PHRF1: variants seen among roughly 807,000 people sequenced by gnomAD.
PHRF1 encodes the protein PHD and ring finger domains 1, also known as PHD and RING finger domain-containing protein 1.
A neutral mutation model predicts 128.9 loss-of-function variants in PHRF1; 53 were observed. The ratio of observed to expected loss-of-function variants is 0.41; its 90% confidence interval spans 0.33 to 0.52. The LOEUF (loss-of-function observed/expected upper bound fraction) is 0.52, where lower values mean the gene tolerates loss of function less well. Ranked by LOEUF, PHRF1 falls within the 20% of genes least tolerant of loss-of-function variation. PHRF1 has a pLI of 0.21. For missense variants in PHRF1, 2,503 were observed against 2,284.5 expected, an observed-to-expected ratio of 1.10 and a Z score of -1.95; for synonymous variants, 1,178 against 980.6, an observed-to-expected ratio of 1.20 and a Z score of -3.76.
chr11:597,329 G>C lies in PHRF1; in HGVS notation c.719-66G>C. On this transcript the variant is annotated intron_variant, in intron 7 of 17. Transcript: ENST00000264555. The surrounding 1 kb of genome is among the most constrained non-coding windows in gnomAD (Gnocchi z 6.5). Reference sequence around the variant, plus strand: ...GCTGCTACTTGGCCGGCAGCCACAGGGGGAGCCGTTGGGGGAGGCGTGTGG... The same window carrying C: ...GCTGCTACTTGGCCGGCAGCCACAGCGGGAGCCGTTGGGGGAGGCGTGTGG... 6.5e-7 allele frequency: 1 copy of C among 1,548,904 alleles called. No homozygotes were observed. Among genetic ancestry groups the C allele is most frequent in the South Asian group, 1.2e-5 (1 of 80,350 alleles).
At chr11:602,500 G>A (rs1855684395) in intron 10 of PHRF1, among the ~76,000 whole-genome samples, 1 of 152,058 alleles carries the variant, frequency 6.6e-6, no homozygotes, top group Non-Finnish European at 1.5e-5. Context: ...GGCCAACATG[G>A]TGAAACCCCA....
intron 6 of PHRF1, among the ~76,000 whole-genome samples, chr11:594,815 A>G (rs1179010251): frequency 6.6e-6 from 1 of 152,168 alleles, no homozygotes; most frequent in East Asian, 1.9e-4. Flanking sequence ...CTTAATTAAA[A>G]TTTTTTATTA....
chr11:608,094 ACCT>A lies in PHRF1; in HGVS notation c.2642_2644del (p.Ser881del), dbSNP rs756416158. On this transcript the variant is annotated inframe_deletion, in exon 14 of 18. Transcript: ENST00000264555. ...GACGGTGCAGGCTGTGCGCTGCGTC[ACCT>A]CCTACACGGTGGAGAGCATCTTTGG... The A allele has an allele frequency of 2.5e-6, 4 of 1,611,652 alleles. No individual in the cohort carries two copies. The highest frequency in any genetic ancestry group is 2.2e-5 in the East Asian group (1 of 44,858).
rs371292036 is a variant in PHRF1, at chr11:581,547, G to C, written c.35G>C (p.Arg12Pro). The C allele has an allele frequency of 2.8e-5, 45 of 1,613,424 alleles. No individual in the cohort carries two copies. Among genetic ancestry groups the C allele is most frequent in the Non-Finnish European group, 3.8e-5 (45 of 1,179,880 alleles). Residue 12 changes from arginine (R) to proline (P), a missense_variant, in exon 2 of 18, where the codon CGG (arginine) becomes CCG (proline). Physicochemically the swap from Arg to Pro is moderately radical, Grantham distance 103 (BLOSUM62 -2). Transcript: ENST00000264555. ...GACAGCCTGGATGAGCTTGTGGCCC[G>C]GAGCCCAGGGCCGGATGGACACCCA... ...DDDSLDELVA[R>P]SPGPDGHPQV...
chr11:597,670 T>G lies in PHRF1; in HGVS notation c.894+100T>G. The G allele has an allele frequency of 7.1e-7, 1 of 1,414,002 alleles. No homozygotes were observed. Among genetic ancestry groups the G allele is most frequent in the Non-Finnish European group, 9.5e-7 (1 of 1,049,360 alleles). 87.6% of individuals were successfully genotyped at this position (1,414,002 alleles called of 1,614,324 possible). On this transcript the variant is annotated intron_variant, in intron 8 of 17. Coordinates refer to ENST00000264555, the MANE Select transcript of PHRF1 (RefSeq NM_001286581.2). This position sits in a 1 kb window ranked among gnomAD's most constrained non-coding sequence, Gnocchi z 6.5. ...GAGGGGCGTCGTCGGCACTGTGGGG[T>G]CCGCCCGGCCCCGGTGGCTCATGTT...
chr11:594,715 G>C (rs183929453), intron 6 of PHRF1, among the ~76,000 whole-genome samples: 4 of 152,206 alleles, frequency 2.6e-5, no homozygotes, highest in African/African-American at 9.7e-5. Context: ...GCCCACCTCG[G>C]CCTCCCAAAG....
chr11:585,850 T>C (rs1171984116), intron 3 of PHRF1, among the ~76,000 whole-genome samples: 2 of 151,202 alleles, frequency 1.3e-5, no homozygotes, highest in Non-Finnish European at 2.9e-5. Flanking sequence ...CCAGCTAATT[T>C]TTTGTATATT....
chr11:601,272 A>G (rs978358114), intron 9 of PHRF1, among the ~76,000 whole-genome samples: 1 of 151,192 alleles, frequency 6.6e-6, no homozygotes, highest in Non-Finnish European at 1.5e-5. Flanking sequence ...CCCTATCTAT[A>G]AAAAAAATTA....
chr11:585,075 T>G (rs1431868176), intron 3 of PHRF1, among the ~76,000 whole-genome samples: 1 of 152,142 alleles, frequency 6.6e-6, no homozygotes, highest in Non-Finnish European at 1.5e-5. Context: ...AGCCAGTGGG[T>G]CCCTAACTGG....
chr11:585,912 A>G (rs1238864335), intron 3 of PHRF1, among the ~76,000 whole-genome samples: 1 of 151,836 alleles, frequency 6.6e-6, no homozygotes, highest in Non-Finnish European at 1.5e-5. Context: ...CCCAGGCTGG[A>G]GTGCAATCGT....
chr11:601,761 C>T (rs906062695), intron 10 of PHRF1, 60 bp downstream of exon 10: 25 of 1,602,584 alleles, frequency 1.6e-5, no homozygotes, highest in Admixed American at 1.7e-5. Context: ...CGCGTGGTTA[C>T]GGAGCAGGGC....
intron 4 of PHRF1, among the ~76,000 whole-genome samples, chr11:589,731 C>T (rs1401352178): frequency 6.6e-6 from 1 of 152,272 alleles, no homozygotes; most frequent in Non-Finnish European, 1.5e-5. Flanking sequence ...GAAGGATTTC[C>T]TAAACAGTCT....
intron 4 of PHRF1, among the ~76,000 whole-genome samples, chr11:588,996 CGTGGTACCACGTACCT>C (rs1387851272): frequency 6.6e-6 from 1 of 151,880 alleles, no homozygotes; most frequent in African/African-American, 2.4e-5. Context: ...ATTATCCGGG[CGTGGTACCACGTACCT>C]GTAGTCCCAG....
Position 607,376 on chromosome 11 carries a change from G to A in PHRF1, c.1920G>A (p.Leu640=), listed in dbSNP as rs1322281020. ...PWFNGTNKHT[L]PLASAASKIS... ...TCAACGGCACCAACAAGCACACCTT[G>A]CCCCTTGCCTCTGCCGCGTCTAAGA... The change falls in exon 14 of 18, where the codon TTG becomes TTA. Residue 640 remains leucine (L), a synonymous_variant. Coordinates refer to ENST00000264555, the MANE Select transcript of PHRF1 (RefSeq NM_001286581.2). 1.9e-6 allele frequency: 3 copies of A among 1,612,806 alleles called. No individual in the cohort carries two copies. The highest frequency in any genetic ancestry group is 2.5e-6 in the Non-Finnish European group (3 of 1,179,894).
chr11:577,229 C>T (rs1853920629), intron 1 of PHRF1, among the ~76,000 whole-genome samples: 1 of 152,298 alleles, frequency 6.6e-6, no homozygotes, highest in East Asian at 1.9e-4. Context: ...GGATTGGAGC[C>T]CAGAAAGGCT....
In PHRF1 at chr11:609,173, C is replaced by T. The variant is rs940519065; in HGVS notation, c.3717C>T (p.Pro1239=). The change falls in exon 14 of 18, where the codon CCC becomes CCT. Residue 1239 remains proline (P), a synonymous_variant. Coordinates refer to ENST00000264555, the MANE Select transcript of PHRF1 (RefSeq NM_001286581.2). The part of the protein sequence containing the change: ...SPEVATADKA[P]LQAPPVLEVA... Reference sequence around the variant, plus strand: ...AGGTGGCTACGGCCGACAAGGCCCCCCTGCAGGCTCCCCCTGTCCTGGAGG... The same window carrying T: ...AGGTGGCTACGGCCGACAAGGCCCCTCTGCAGGCTCCCCCTGTCCTGGAGG... The T allele has an allele frequency of 6.2e-7, 1 of 1,606,608 alleles. No individual in the cohort carries two copies.
chr11:579,015 A>G (rs977541421), intron 1 of PHRF1, among the ~76,000 whole-genome samples: 3 of 151,978 alleles, frequency 2.0e-5, no homozygotes, highest in East Asian at 3.9e-4. Flanking sequence ...CATTTTTTCT[A>G]TTTTAGTAGA....
intron 1 of PHRF1, among the ~76,000 whole-genome samples, chr11:579,908 C>A (rs955651448): frequency 6.6e-6 from 1 of 152,160 alleles, no homozygotes; most frequent in Non-Finnish European, 1.5e-5. Context: ...TTCTGAGCCC[C>A]GTTAGGGTTT....
intron 14 of PHRF1, 37 bp from the exon 15 acceptor site, chr11:610,159 C>T: frequency 6.8e-7 from 1 of 1,471,880 alleles, no homozygotes. Context: ...CAGGGGTGGG[C>T]ACAGAGCACC....
Sources: gnomAD v4.1 joint callset for allele counts (sites outside exome capture counted in the v4.1 genomes callset) on GRCh38, gnomAD v4.1.1 for gene constraint, Gnocchi (gnomAD v3.1) non-coding constraint, MANE v1.5 for transcripts, NCBI Gene and HGNC (gene_info 2026-07-23, HGNC 2026-07-21) for gene names.